MGRN1: variants seen among roughly 807,000 people sequenced by gnomAD.
MGRN1 encodes E3 ubiquitin-protein ligase MGRN1.
A neutral mutation model predicts 69.2 loss-of-function variants in MGRN1; 29 were observed. That is an observed-to-expected ratio of 0.42 (90% confidence interval 0.31 to 0.57). MGRN1 has a LOEUF of 0.57. Among genes scored for constraint, MGRN1 ranks in the 20% least tolerant of loss-of-function variants. The probability of loss-of-function intolerance (pLI) is 0.15; values close to 1 mark genes in which losing one functional copy is unlikely to be tolerated. For synonymous variants in MGRN1, 470 were observed against 344.2 expected, an observed-to-expected ratio of 1.37 and a Z score of -4.04; for missense variants, 998 against 796.2, an observed-to-expected ratio of 1.25 and a Z score of -3.05.
chr16:4,648,158 C>T (rs749282973), intron 1 of MGRN1, among the ~76,000 whole-genome samples: 1 of 152,190 alleles, frequency 6.6e-6, no homozygotes, highest in Admixed American at 6.5e-5. Context: ...CCCTGCAATA[C>T]GTGAGGTTGA....
At chr16:4,683,488 T>A (rs1429004459) in intron 15 of MGRN1, among the ~76,000 whole-genome samples, 5 of 151,622 alleles carry the variant, frequency 3.3e-5, no homozygotes, top group Admixed American at 2.6e-4. Flanking sequence ...GCTGTCTGCC[T>A]GGGATGGGGA....
intron 1 of MGRN1, among the ~76,000 whole-genome samples, chr16:4,643,181 C>G (rs1007617264): frequency 8.6e-5 from 13 of 151,904 alleles, no homozygotes; most frequent in African/African-American, 3.1e-4. Flanking sequence ...GTCTCAATCT[C>G]GATCTCCTGA....
chr16:4,676,733 C>T (rs569985881), intron 10 of MGRN1, among the ~76,000 whole-genome samples: 1 of 152,288 alleles, frequency 6.6e-6, no homozygotes, highest in East Asian at 1.9e-4. Flanking sequence ...CTACAGCAGC[C>T]TGTGGGGCCC....
chr16:4,627,758 C>G (rs1053961704), intron 1 of MGRN1, among the ~76,000 whole-genome samples: 2 of 149,790 alleles, frequency 1.3e-5, no homozygotes, highest in African/African-American at 5.0e-5. Context: ...CCACTGCACT[C>G]CAGCCTGGGT....
At chr16:4,671,561 G>A in intron 9 of MGRN1, 102 bp downstream of exon 9, 1 of 1,066,814 alleles carries the variant, frequency 9.4e-7, no homozygotes, top group Non-Finnish European at 1.5e-6. Flanking sequence ...CCTTCCCCTG[G>A]AGTCCTAGAC....
intron 16 of MGRN1, chr16:4,687,308 G>T: frequency 1.0e-6 from 1 of 981,500 alleles, no homozygotes; most frequent in South Asian, 4.7e-5. Context: ...CCGGTACTTT[G>T]GGAGACCGAG....
At chr16:4,680,135 C>A in intron 12 of MGRN1, 38 bp downstream of exon 12, 8 of 1,600,278 alleles carry the variant, frequency 5.0e-6, no homozygotes, top group Non-Finnish European at 6.8e-6. Flanking sequence ...TTTTTGCCCC[C>A]GCCCTCATTT....
At chr16:4,637,386 C>T (rs182533372) in intron 1 of MGRN1, among the ~76,000 whole-genome samples, 328 of 151,970 alleles carry the variant, frequency 2.2e-3, no homozygotes, top group African/African-American at 7.6e-3. Context: ...GCCAAGATCG[C>T]GCCATTGCAC....
chr16:4,682,266 A>G (rs1055466764), intron 13 of MGRN1, among the ~76,000 whole-genome samples: 1 of 152,220 alleles, frequency 6.6e-6, no homozygotes, highest in African/African-American at 2.4e-5. Context: ...CCAGGCGATG[A>G]GTGCATCATC....
Position 4,629,191 on chromosome 16 carries a change from T to TGA in MGRN1, c.88+4144_88+4145dup, listed in dbSNP as rs1555445293. 5.6e-4 allele frequency among the ~76,000 whole-genome samples: 83 copies of TGA among 149,028 alleles called. 1 individual carries two copies. Among genetic ancestry groups the TGA allele is most frequent in the African/African-American group, 1.5e-3 (61 of 40,456 alleles). On this transcript the variant is annotated intron_variant, in intron 1 of 16. Transcript: ENST00000262370. ...GTGTGTGTGTGTGTGTGTGTGTGTG[T>TGA]GAAAAGTGTCTATTTGAGTCTTTTG...
chr16:4,664,444 G>A lies in MGRN1; in HGVS notation c.562-265G>A, dbSNP rs531689320. ...AAAGTTCTGGAAATGGATGGTGGCG[G>A]TTGCATGACATTATAGATGTACTTT... On this transcript the variant is annotated intron_variant, in intron 5 of 16. Transcript: ENST00000262370. 32 of 508,212 alleles carry A rather than the reference G, an allele frequency of 6.3e-5. 1 individual carries two copies. The South Asian group carries it at 7.8e-4, about 12-fold the overall frequency. The allele number at this position is 508,212 out of a possible 1,614,324, so 31.5% of individuals were successfully genotyped here.
rs148776960 is a variant in MGRN1 at position 4,677,536 on chromosome 16, C to T, written c.1029C>T (p.Pro343=). Residue 343 remains proline, a synonymous_variant, in exon 11 of 17, where the codon CCC becomes CCT. Transcript: ENST00000262370. ...CCCTGTCCCCCGTGTCCTTCAGCCC[C>T]GTCCTGGCCCAGAGCCTGGAGCATG... ...PGALSPVSFS[P]VLAQSLEHDE... 1.9e-4 allele frequency: 306 copies of T among 1,599,736 alleles called. No individual in the cohort carries two copies. Among genetic ancestry groups the T allele is most frequent in the African/African-American group, 6.0e-4 (45 of 74,950 alleles).
rs1482741024 is a variant in MGRN1 at position 4,652,801 on chromosome 16, G to A, written c.420G>A (p.Glu140=). 3.1e-6 allele frequency: 5 copies of A among 1,610,538 alleles called. No individual in the cohort carries two copies. The highest frequency in any genetic ancestry group is 4.5e-5 in the East Asian group (2 of 44,814). ...VAITIYCQAS[E]EFLNGRAVYS... ...TCACCATCTACTGCCAGGCATCGGA[G>A]GAGTTCCTGAACGGCAGGGCAGTGT... Residue 140 remains glutamate (E), a synonymous_variant, in exon 4 of 17, where the codon GAG becomes GAA. Coordinates refer to ENST00000262370, the MANE Select transcript of MGRN1 (RefSeq NM_015246.4).
intron 8 of MGRN1, among the ~76,000 whole-genome samples, chr16:4,670,079 A>G (rs963532402): frequency 6.6e-6 from 1 of 151,904 alleles, no homozygotes; most frequent in Non-Finnish European, 1.5e-5. Context: ...TATTTTATTG[A>G]GACAAGACAG....
intron 4 of MGRN1, among the ~76,000 whole-genome samples, chr16:4,656,815 G>A (rs1037152929): frequency 6.6e-6 from 1 of 152,112 alleles, no homozygotes; most frequent in Non-Finnish European, 1.5e-5. Context: ...AGAAGGCAGA[G>A]GTTGCAGTGA....
In MGRN1 at chr16:4,677,554, GGAGCATGAT is replaced by G; in HGVS notation, c.1053_1061del (p.Asp352_His354del). On this transcript the variant is annotated inframe_deletion, in exon 11 of 17. Transcript: ENST00000262370. ...TCAGCCCCGTCCTGGCCCAGAGCCTGGAGCATGATGAGCACTCTGTAAGTGCCGCCTCCT... is the reference window on the plus strand; with the variant it reads ...TCAGCCCCGTCCTGGCCCAGAGCCTGGAGCACTCTGTAAGTGCCGCCTCCT... The G allele has an allele frequency of 6.2e-7, 1 of 1,600,070 alleles. No individual in the cohort carries two copies. Among genetic ancestry groups the G allele is most frequent in the South Asian group, 1.1e-5 (1 of 91,070 alleles).
chr16:4,662,002 C>T (rs779512232), intron 5 of MGRN1, among the ~76,000 whole-genome samples: 7 of 152,160 alleles, frequency 4.6e-5, no homozygotes, highest in East Asian at 3.8e-4. Context: ...TGCCTGGGAA[C>T]GCCAGGGTGC....
intron 16 of MGRN1, chr16:4,687,290 CT>C (rs773112458): frequency 3.6e-5 from 35 of 985,314 alleles, no homozygotes; most frequent in Non-Finnish European, 4.2e-5. Flanking sequence ...TGGTTCGCAC[CT>C]ATAAGCCCGG....
chr16:4,648,254 C>A (rs1302208793), intron 1 of MGRN1, among the ~76,000 whole-genome samples: 1 of 151,742 alleles, frequency 6.6e-6, no homozygotes, highest in African/African-American at 2.4e-5. Flanking sequence ...CCGTGGTCAC[C>A]CGGCTCCTCC....
Sources: gnomAD v4.1 joint callset for allele counts (sites outside exome capture counted in the v4.1 genomes callset) on GRCh38, gnomAD v4.1.1 for gene constraint, MANE v1.5 for transcripts, NCBI Gene and HGNC (gene_info 2026-07-23, HGNC 2026-07-21) for gene names.